RTL9: variants seen among roughly 807,000 people sequenced by gnomAD.
RTL9 encodes retrotransposon Gag-like protein 9.
Under a neutral mutation model 44.7 loss-of-function variants are expected in RTL9, and 19 were observed. That is an observed-to-expected ratio of 0.42 (90% CI 0.30 to 0.62). RTL9 has a LOEUF of 0.62. RTL9 is among the 20% of genes least tolerant of loss of function. The pLI, the probability that RTL9 is intolerant of heterozygous loss-of-function variation, is 0.16. For missense variants in RTL9, 1,105 were observed against 1,080.6 expected, an observed-to-expected ratio of 1.02 and a Z score of -0.32; for synonymous variants, 407 against 398.9, an observed-to-expected ratio of 1.02 and a Z score of -0.24.
intron 1 of RTL9, among the ~76,000 whole-genome samples, chrX:110,375,564 C>G (rs192144069): frequency 0.018 from 1,928 of 108,415 alleles, 25 homozygotes; most frequent in Non-Finnish European, 0.028. Flanking sequence ...ATGAATGAAT[C>G]AATCAATCAA....
intron 1 of RTL9, among the ~76,000 whole-genome samples, chrX:110,410,431 C>T (rs181267698): frequency 0.011 from 1,193 of 112,073 alleles, 6 homozygotes; most frequent in African/African-American, 0.022. Context: ...ATATCTTTGA[C>T]GATGTCTATC....
chrX:110,404,834 T>C (rs1198084787), intron 1 of RTL9, among the ~76,000 whole-genome samples: 1 of 111,824 alleles, frequency 8.9e-6, no homozygotes, highest in East Asian at 2.8e-4. Flanking sequence ...ACGATTTTTC[T>C]TGGCATAAGT....
chrX:110,417,358 G>C (rs1280845584), upstream of RTL9, among the ~76,000 whole-genome samples: 5 of 112,406 alleles, frequency 4.4e-5, no homozygotes, highest in Admixed American at 2.8e-4. Context: ...TTTATTGTGG[G>C]TCTGCCAGCT....
chrX:110,431,323 CTG>C (rs759432836), intron 1 of RTL9, among the ~76,000 whole-genome samples: 167 of 94,516 alleles, frequency 1.8e-3, no homozygotes, highest in Admixed American at 3.6e-3. Context: ...GAGGGGAAGG[CTG>C]TGTGTGTGTG....
intron 1 of RTL9, among the ~76,000 whole-genome samples, chrX:110,413,056 GT>G (rs1328440880): frequency 2.7e-5 from 3 of 111,704 alleles, no homozygotes; most frequent in Non-Finnish European, 5.7e-5. Flanking sequence ...CAGCCCAAAC[GT>G]TAAGCCTCCC....
At chrX:110,428,861 A>G (rs1317454256) in intron 1 of RTL9, among the ~76,000 whole-genome samples, 1 of 112,436 alleles carries the variant, frequency 8.9e-6, no homozygotes, top group Non-Finnish European at 1.9e-5. Context: ...ATTTCAAGAT[A>G]GCAGCAAAGG....
At chrX:110,383,768 G>A (rs2068436120) in intron 1 of RTL9, among the ~76,000 whole-genome samples, 1 of 111,253 alleles carries the variant, frequency 9.0e-6, no homozygotes, top group Non-Finnish European at 1.9e-5. Flanking sequence ...TTAATTAATC[G>A]TCCTTTGAGC....
intron 1 of RTL9, among the ~76,000 whole-genome samples, chrX:110,420,279 G>T (rs1049885661): frequency 1.8e-5 from 2 of 112,256 alleles, no homozygotes; most frequent in Non-Finnish European, 3.8e-5. Context: ...CTTCCCCTGT[G>T]CCTGGAAGAG....
chrX:110,425,387 C>A (rs200193998), intron 1 of RTL9, among the ~76,000 whole-genome samples: 1 of 112,744 alleles, frequency 8.9e-6, no homozygotes, highest in Non-Finnish European at 1.9e-5. Context: ...GCACAACCCA[C>A]CTAGAGACAG....
intron 1 of RTL9, among the ~76,000 whole-genome samples, chrX:110,429,944 G>T (rs1303398594): frequency 8.9e-6 from 1 of 112,016 alleles, no homozygotes; most frequent in East Asian, 2.8e-4. Flanking sequence ...TGGCTTCATC[G>T]TGTTCTTTGT....
At chrX:110,454,570 CAGG>C in exon 1 of RTL9, 1 of 1,211,791 alleles carries the variant, frequency 8.3e-7, no homozygotes, top group Non-Finnish European at 1.1e-6. Context: ...AAGGATTCCC[CAGG>C]CAACTCAAGC....
chrX:110,392,415 T>TA (rs200291348), intron 1 of RTL9, among the ~76,000 whole-genome samples: 1,396 of 110,098 alleles, frequency 0.013, 18 homozygotes, highest in Middle Eastern at 0.032. Context: ...AGTTAGGACT[T>TA]ACAGTCATGT....
chrX:110,453,197 G>A (rs1334735847), exon 1 of RTL9: 3 of 1,211,579 alleles, frequency 2.5e-6, no homozygotes, highest in Non-Finnish European at 2.2e-6. Flanking sequence ...GGATGTCCAT[G>A]CCACTGATGA....
intron 1 of RTL9, among the ~76,000 whole-genome samples, chrX:110,387,134 A>G (rs1234788367): frequency 8.9e-6 from 1 of 111,857 alleles, no homozygotes; most frequent in Non-Finnish European, 1.9e-5. Flanking sequence ...AAAGACTTGG[A>G]GAGAAAAAAA....
intron 1 of RTL9, among the ~76,000 whole-genome samples, chrX:110,366,508 C>T (rs1226882154): frequency 8.9e-6 from 1 of 111,767 alleles, no homozygotes; most frequent in African/African-American, 3.3e-5. Flanking sequence ...GGACACTTTT[C>T]AGCCCTTACA....
At chrX:110,413,365 G>A (rs2068654680) in intron 1 of RTL9, among the ~76,000 whole-genome samples, 1 of 111,379 alleles carries the variant, frequency 9.0e-6, no homozygotes, top group African/African-American at 3.3e-5. Flanking sequence ...AGGCACCCTA[G>A]GGCTGGGAGG....
chrX:110,384,047 T>A (rs1055791705), intron 1 of RTL9, among the ~76,000 whole-genome samples: 1 of 112,216 alleles, frequency 8.9e-6, no homozygotes, highest in Non-Finnish European at 1.9e-5. Context: ...TTATACATCA[T>A]CATTTCTTCT....
intron 1 of RTL9, 143 bp from the exon 4 acceptor site, chrX:110,455,059 C>T: frequency 1.3e-6 from 1 of 776,269 alleles, no homozygotes; most frequent in African/African-American, 2.1e-5. Flanking sequence ...ATTAGAATAG[C>T]CTACTCCTTG....
intron 1 of RTL9, among the ~76,000 whole-genome samples, chrX:110,377,304 G>C (rs1029908952): frequency 9.0e-6 from 1 of 111,265 alleles, no homozygotes; most frequent in Non-Finnish European, 1.9e-5. Flanking sequence ...CTATTTGTCC[G>C]CAAACCCCAC....
Sources: allele counts gnomAD v4.1 joint callset (sites outside exome capture counted in the v4.1 genomes callset), GRCh38; gene constraint gnomAD v4.1.1; transcripts MANE v1.5; gene names NCBI Gene and HGNC (gene_info 2026-07-23, HGNC 2026-07-21).